The following THSD4 variants were observed in gnomAD, a reference collection of about 807,000 sequenced individuals.
THSD4 encodes the protein thrombospondin type-1 domain-containing protein 4.
In THSD4, 69 loss-of-function variants were observed where a neutral mutation model predicts 119.0. The ratio of observed to expected loss-of-function variants is 0.58; its 90% CI spans 0.48 to 0.71. The LOEUF (loss-of-function observed/expected upper bound fraction) is 0.71. Ranked by LOEUF, THSD4 falls within the 30% of genes least tolerant of loss-of-function variation. The pLI, the probability that THSD4 is intolerant of heterozygous loss-of-function variation, is 0.00. For missense variants in THSD4, 1,393 were observed against 1,391.1 expected (o/e 1.00, Z -0.02); for synonymous variants, 524 against 540.4 (o/e 0.97, Z 0.42).
At chr15:71,487,681 C>G (rs192566000) in intron 7 of THSD4, among the ~76,000 whole-genome samples, 1 of 152,174 alleles carries the variant, frequency 6.6e-6, no homozygotes, top group Non-Finnish European at 1.5e-5. Context: ...GAATGTTGTT[C>G]AAATGTTTGT....
chr15:71,746,429 C>G (rs2053338775), intron 12 of THSD4, among the ~76,000 whole-genome samples: 1 of 152,104 alleles, frequency 6.6e-6, no homozygotes, highest in African/African-American at 2.4e-5. Context: ...GGGTCCTACT[C>G]CATTGCCCAG....
intron 15 of THSD4, among the ~76,000 whole-genome samples, chr15:71,764,077 T>A (rs966134474): frequency 9.5e-5 from 13 of 136,640 alleles, no homozygotes; most frequent in South Asian, 2.3e-4. Flanking sequence ...AAAAAAAAAA[T>A]AAATAAATAA....
intron 7 of THSD4, among the ~76,000 whole-genome samples, chr15:71,512,318 A>T (rs958986049): frequency 6.6e-6 from 1 of 152,174 alleles, no homozygotes; most frequent in Non-Finnish European, 1.5e-5. Flanking sequence ...TGCTCACTGT[A>T]CAGCTTTATT....
At chr15:71,261,395 A>T (rs924812262) in intron 6 of THSD4, among the ~76,000 whole-genome samples, 4 of 152,088 alleles carry the variant, frequency 2.6e-5, no homozygotes, top group Non-Finnish European at 5.9e-5. Context: ...CAACACATTG[A>T]TTTTGGATTT....
Position 71,783,371 on chromosome 15 carries a change from T to C in THSD4, c.*5997T>C, listed in dbSNP as rs929773763. 10 of 150,532 alleles carry C rather than the reference T, an allele frequency of 6.6e-5. No individual in the cohort carries two copies. The highest frequency in any genetic ancestry group is 2.0e-4 in the African/African-American group (8 of 40,872). 9.3% of individuals were successfully genotyped at this position (150,532 alleles called of 1,614,324 possible). On this transcript the variant is annotated 3_prime_UTR_variant, in exon 18 of 18. Coordinates refer to ENST00000261862, the MANE Select transcript of THSD4 (RefSeq NM_024817.3). The stretch of plus-strand genomic sequence containing the variant: ...TAAAAAGAAGAGTCAGACAATAAAC[T>C]GGTTGAAATATCTGCTTTGTTGACA...
Position 71,692,658 on chromosome 15 carries a change from G to T in THSD4, c.1357+31924G>T, listed in dbSNP as rs150733013. Among the ~76,000 whole-genome samples, 1,165 of 152,284 alleles carry T rather than the reference G, an allele frequency of 7.7e-3. 13 individuals carry two copies. Among genetic ancestry groups the T allele is most frequent in the African/African-American group, 0.027 (1,109 of 41,548 alleles). On this transcript the variant is annotated intron_variant, in intron 8 of 17. Coordinates refer to ENST00000261862, the MANE Select transcript of THSD4 (RefSeq NM_024817.3). ...ATGGAGTTAACTAGGAGATCTCTGA[G>T]TTGGAGTGTCGCTCTGACCTCTGAG...
intron 8 of THSD4, among the ~76,000 whole-genome samples, chr15:71,687,769 A>AAAGC (rs756124828): frequency 1.8e-5 from 1 of 56,112 alleles, no homozygotes; most frequent in Non-Finnish European, 5.5e-5. Context: ...AAAAAAAAAA[A>AAAGC]AAACAAACCA....
At chr15:71,673,109 G>A (rs1440607056) in intron 8 of THSD4, among the ~76,000 whole-genome samples, 3 of 152,286 alleles carry the variant, frequency 2.0e-5, no homozygotes, top group South Asian at 2.1e-4. Context: ...CTGTGAATCC[G>A]CCTGGTCTGG....
At chr15:71,542,581 GA>G (rs1312031012) in intron 7 of THSD4, among the ~76,000 whole-genome samples, 2 of 151,946 alleles carry the variant, frequency 1.3e-5, no homozygotes, top group East Asian at 3.9e-4. Flanking sequence ...AAAAACGTTA[GA>G]AAAAAACAAA....
chr15:71,649,476 C>T (rs1356236188), intron 7 of THSD4, among the ~76,000 whole-genome samples: 1 of 152,052 alleles, frequency 6.6e-6, no homozygotes, highest in Non-Finnish European at 1.5e-5. Flanking sequence ...GGGGTTTCAC[C>T]ATGTTGGCCA....
chr15:71,470,539 A>G (rs1011982661), intron 7 of THSD4, among the ~76,000 whole-genome samples: 2 of 152,138 alleles, frequency 1.3e-5, no homozygotes, highest in African/African-American at 4.8e-5. Flanking sequence ...AGGTACTAGT[A>G]TTATCACCGT....
chr15:71,276,777 AG>A (rs1421808667), intron 6 of THSD4, among the ~76,000 whole-genome samples: 1 of 152,262 alleles, frequency 6.6e-6, no homozygotes, highest in Non-Finnish European at 1.5e-5. Flanking sequence ...AAATATGAAC[AG>A]GTTATCGTAC....
chr15:71,606,230 G>A (rs1265339522), intron 7 of THSD4, among the ~76,000 whole-genome samples: 1 of 152,172 alleles, frequency 6.6e-6, no homozygotes, highest in Non-Finnish European at 1.5e-5. Context: ...CCTCTTCTTG[G>A]TTCTTGCGAA....
chr15:71,482,957 C>T (rs2047756164), intron 7 of THSD4, among the ~76,000 whole-genome samples: 1 of 152,096 alleles, frequency 6.6e-6, no homozygotes, highest in African/African-American at 2.4e-5. Flanking sequence ...CAGAGTTCAA[C>T]TTATATCTCA....
At chr15:71,263,903 C>T (rs925171686) in intron 6 of THSD4, among the ~76,000 whole-genome samples, 7 of 152,230 alleles carry the variant, frequency 4.6e-5, no homozygotes, top group Non-Finnish European at 1.0e-4. Context: ...ATGCCTTCCT[C>T]GTTAAGTCCA....
intron 14 of THSD4, among the ~76,000 whole-genome samples, chr15:71,749,927 A>G (rs1212074667): frequency 6.6e-6 from 1 of 151,740 alleles, no homozygotes; most frequent in Non-Finnish European, 1.5e-5. Context: ...TTGTGGTTTC[A>G]CCATGTTGCC....
chr15:71,716,292 C>T (rs2052605610), intron 8 of THSD4, among the ~76,000 whole-genome samples: 1 of 152,144 alleles, frequency 6.6e-6, no homozygotes, highest in African/African-American at 2.4e-5. Context: ...AGCATGAGCT[C>T]ATCTAAATAA....
At chr15:71,409,898 T>C (rs1440317187) in intron 6 of THSD4, among the ~76,000 whole-genome samples, 1 of 152,042 alleles carries the variant, frequency 6.6e-6, no homozygotes, top group Non-Finnish European at 1.5e-5. Flanking sequence ...TTTTTTTTTT[T>C]TGTTTTTTTT....
chr15:71,199,450 T>TG (rs1567154454), intron 3 of THSD4, among the ~76,000 whole-genome samples: 11 of 119,828 alleles, frequency 9.2e-5, no homozygotes, highest in South Asian at 5.6e-4. Flanking sequence ...TGTGTGTGTG[T>TG]GTGGGGGGGG....
Sources: gnomAD v4.1 joint callset for allele counts (sites outside exome capture counted in the v4.1 genomes callset) on GRCh38, gnomAD v4.1.1 for gene constraint, MANE v1.5 for transcripts, NCBI Gene and HGNC (gene_info 2026-07-23, HGNC 2026-07-21) for gene names.